DOCK3: variants seen among roughly 807,000 people sequenced by gnomAD.
The protein encoded by DOCK3 is dedicator of cytokinesis 3.
DOCK3 carries 60 observed loss-of-function variants against 265.6 expected under a neutral mutation model. That is an observed-to-expected ratio of 0.23 (90% CI 0.18 to 0.28). DOCK3 has a LOEUF of 0.28. Among genes scored for constraint, DOCK3 ranks in the 10% least tolerant of loss-of-function variants. The pLI is 1.00. For missense variants in DOCK3, 1,981 were observed against 2,594.3 expected, an observed-to-expected ratio of 0.76 and a Z score of 5.14; for synonymous variants, 881 against 938.0, an observed-to-expected ratio of 0.94 and a Z score of 1.11.
At chr3:51,350,233 T>A in intron 39 of DOCK3, 55 bp from the exon 40 acceptor site, 1 of 1,522,318 alleles carries the variant, frequency 6.6e-7, no homozygotes, top group Non-Finnish European at 8.9e-7. Flanking sequence ...CTGGGAGAAC[T>A]TCCTTTGGAT....
intron 2 of DOCK3, among the ~76,000 whole-genome samples, chr3:50,814,115 T>C (rs1418168445): frequency 6.6e-6 from 1 of 152,140 alleles, no homozygotes; most frequent in Admixed American, 6.5e-5. Context: ...GATTTTAAAA[T>C]AAAACTTTCT....
intron 31 of DOCK3, among the ~76,000 whole-genome samples, chr3:51,314,741 G>C (rs980820252): frequency 1.3e-5 from 2 of 152,220 alleles, no homozygotes; most frequent in Admixed American, 6.5e-5. Context: ...GGGACTGTCA[G>C]GAAATTCTTT....
At chr3:51,045,432 A>G (rs1256677395) in intron 5 of DOCK3, among the ~76,000 whole-genome samples, 2 of 152,206 alleles carry the variant, frequency 1.3e-5, no homozygotes, top group Non-Finnish European at 2.9e-5. Flanking sequence ...ACAGTTCACC[A>G]TAACAGACAT....
At chr3:50,778,556 A>T in intron 1 of DOCK3, 119 bp from the exon 2 acceptor site, 1 of 628,220 alleles carries the variant, frequency 1.6e-6, no homozygotes, top group South Asian at 2.3e-5. Context: ...CTTTAGAAAG[A>T]GGAATTAGTA....
chr3:50,833,302 A>T (rs894504119), intron 2 of DOCK3, among the ~76,000 whole-genome samples: 2 of 152,084 alleles, frequency 1.3e-5, no homozygotes, highest in African/African-American at 4.8e-5. Flanking sequence ...CTTGAAACAT[A>T]TTTTTTTCTC....
chr3:51,081,204 G>T (rs919546741), intron 7 of DOCK3, among the ~76,000 whole-genome samples: 1 of 152,060 alleles, frequency 6.6e-6, no homozygotes, highest in Non-Finnish European at 1.5e-5. Context: ...GAAAAGAAAT[G>T]GAAACTTCCA....
intron 3 of DOCK3, among the ~76,000 whole-genome samples, chr3:50,859,164 C>T (rs891756889): frequency 2.7e-5 from 4 of 149,486 alleles, no homozygotes; most frequent in Admixed American, 6.7e-5. Flanking sequence ...TCTGTCATTC[C>T]GGCTAGTTCA....
chr3:51,239,590 GT>G (rs1199714094), intron 21 of DOCK3, among the ~76,000 whole-genome samples: 7 of 123,886 alleles, frequency 5.7e-5, no homozygotes, highest in Admixed American at 1.5e-4. Flanking sequence ...TGTTTTTTTT[GT>G]TTTTTTTTAG....
At position 51,203,587 on chromosome 3, in the gene DOCK3, G is replaced by C. The variant is rs559458827; in HGVS notation, c.1038-5187G>C. Among the ~76,000 whole-genome samples the C allele has an allele frequency of 3.7e-3, 566 of 152,262 alleles. 4 individuals are homozygous for C. The highest frequency in any genetic ancestry group is 0.013 in the African/African-American group (542 of 41,544). On this transcript the variant is annotated intron_variant, in intron 12 of 52. Coordinates refer to ENST00000266037, the MANE Select transcript of DOCK3 (RefSeq NM_004947.5). Reference sequence around the variant, plus strand: ...TCAATACTGTGAAAATGGCCATACTGCCCAAGGTAATTTATAGATTCAATG... The same window carrying C: ...TCAATACTGTGAAAATGGCCATACTCCCCAAGGTAATTTATAGATTCAATG...
At chr3:51,064,967 AC>A (rs746728096) in intron 6 of DOCK3, among the ~76,000 whole-genome samples, 8 of 152,212 alleles carry the variant, frequency 5.3e-5, no homozygotes, top group Non-Finnish European at 1.2e-4. Context: ...AGTGTCCTTC[AC>A]ATTTTATAGC....
chr3:51,260,016 C>T (rs886212173), intron 22 of DOCK3, 140 bp from the exon 23 acceptor site: 1 of 773,456 alleles, frequency 1.3e-6, no homozygotes, highest in African/African-American at 1.8e-5. Context: ...AATAAAGTAC[C>T]TATCTATCTC....
chr3:50,847,807 CCAGAGG>C (rs1040436928), intron 3 of DOCK3, among the ~76,000 whole-genome samples: 1 of 141,282 alleles, frequency 7.1e-6, no homozygotes, highest in African/African-American at 2.6e-5. Flanking sequence ...TTGCTTGAAC[CCAGAGG>C]CAGAGGTTGC....
chr3:51,279,424 G>A (rs753181452), intron 26 of DOCK3, among the ~76,000 whole-genome samples: 5 of 152,160 alleles, frequency 3.3e-5, no homozygotes, highest in East Asian at 3.8e-4. Flanking sequence ...ACTGCCTCCT[G>A]CCAAAAGTTG....
chr3:51,152,502 A>G (rs1179453524), intron 10 of DOCK3, among the ~76,000 whole-genome samples: 4 of 152,142 alleles, frequency 2.6e-5, no homozygotes, highest in Non-Finnish European at 5.9e-5. Flanking sequence ...CTGTCAACTC[A>G]TCAAAGTCAT....
At chr3:50,861,279 T>A (rs2107503583) in intron 3 of DOCK3, among the ~76,000 whole-genome samples, 1 of 152,268 alleles carries the variant, frequency 6.6e-6, no homozygotes, top group South Asian at 2.1e-4. Flanking sequence ...GGTGTTGTAT[T>A]TACTCACCCC....
At chr3:50,940,966 A>T (rs1164339222) in intron 5 of DOCK3, among the ~76,000 whole-genome samples, 2 of 152,162 alleles carry the variant, frequency 1.3e-5, no homozygotes, top group African/African-American at 4.8e-5. Context: ...AACATGTAAA[A>T]CTAAAACTTT....
intron 2 of DOCK3, among the ~76,000 whole-genome samples, chr3:50,790,251 A>T (rs1236825707): frequency 6.6e-6 from 1 of 152,076 alleles, no homozygotes; most frequent in East Asian, 1.9e-4. Context: ...GTGAATTCTT[A>T]TCTGTTCTGC....
At chr3:51,007,805 TA>T (rs2078745751) in intron 5 of DOCK3, among the ~76,000 whole-genome samples, 1 of 152,206 alleles carries the variant, frequency 6.6e-6, no homozygotes, top group African/African-American at 2.4e-5. Context: ...GTATAAGGTG[TA>T]AGGAAGGGCT....
chr3:51,092,303 C>T (rs377024595), intron 9 of DOCK3, among the ~76,000 whole-genome samples: 3 of 152,164 alleles, frequency 2.0e-5, no homozygotes, highest in African/African-American at 7.2e-5. Context: ...AGACTGAGAT[C>T]GACCTGGGAT....
Sources: allele counts gnomAD v4.1 joint callset (sites outside exome capture counted in the v4.1 genomes callset), GRCh38; gene constraint gnomAD v4.1.1; transcripts MANE v1.5; gene names NCBI Gene and HGNC (gene_info 2026-07-23, HGNC 2026-07-21).